OR10G3: variants seen among roughly 807,000 people sequenced by gnomAD.
The protein encoded by OR10G3 is olfactory receptor 10G3.
A neutral mutation model predicts 13.4 loss-of-function variants in OR10G3; 8 were observed. That is an observed-to-expected ratio of 0.60 (90% CI 0.35 to 1.08). OR10G3 has a LOEUF of 1.08. Among genes scored for constraint, OR10G3 ranks in the 50% least tolerant of loss-of-function variants. The probability of loss-of-function intolerance (pLI) is 0.02; values close to 1 mark genes in which losing one functional copy is unlikely to be tolerated. For missense variants in OR10G3, 393 were observed against 386.6 expected, an observed-to-expected ratio of 1.02 and a Z score of -0.14; for synonymous variants, 142 against 156.1, an observed-to-expected ratio of 0.91 and a Z score of 0.67.
At chr14:21,578,489 G>T (rs746909216) in intron 1 of OR10G3, among the ~76,000 whole-genome samples, 1 of 151,956 alleles carries the variant, frequency 6.6e-6, no homozygotes, top group African/African-American at 2.4e-5. Context: ...AAATATATGA[G>T]AAATATTAGG....
rs913251594 is a variant in OR10G3 at position 21,570,668 on chromosome 14, A to G, written c.77T>C (p.Leu26Pro). The G allele has an allele frequency of 6.2e-7, 1 of 1,610,318 alleles. No individual in the cohort carries two copies. The highest frequency in any genetic ancestry group is 1.7e-5 in the Admixed American group (1 of 60,006). The change falls in exon 2 of 2, where the codon CTC becomes CCC. Residue 26 changes from leucine (L) to proline (P), a missense_variant. Transcript: ENST00000641040. ...GIPYPLRLRTLFFVFFFLIYI... is the reference protein window; with the variant it reads ...GIPYPLRLRTPFFVFFFLIYI... The stretch of plus-strand genomic sequence containing the variant: ...GATTAGAAAAAAGAACACAAAAAAG[A>G]GTGTCCTTAGCCTGAGTGGATACGG...
At position 21,569,661 on chromosome 14, in the gene OR10G3, T is replaced by A; in HGVS notation, c.*142A>T. The A allele has an allele frequency of 1.5e-6, 1 of 679,034 alleles. No homozygotes were observed. 42.1% of individuals were successfully genotyped at this position (679,034 alleles called of 1,614,324 possible). On this transcript the variant is annotated 3_prime_UTR_variant, in exon 2 of 2. Transcript: ENST00000641040. Reference sequence around the variant, plus strand: ...TACTAAGGAACTGTTAGAAAGTTAGTATTTTACCTTAAACTGTGTTTGATC... The same window carrying A: ...TACTAAGGAACTGTTAGAAAGTTAGAATTTTACCTTAAACTGTGTTTGATC...
intron 1 of OR10G3, among the ~76,000 whole-genome samples, chr14:21,573,514 A>G (rs1893094119): frequency 6.6e-6 from 1 of 151,736 alleles, no homozygotes; most frequent in African/African-American, 2.4e-5. Flanking sequence ...CCTTGCTAAA[A>G]TAAAAAAATT....
chr14:21,569,569 G>A lies in OR10G3; in HGVS notation c.*234C>T. ...TTCTTTCTTCTGGATTGTTTAATGT[G>A]GTTTAGTTTGTGAGAATTTGGTCTC... On this transcript the variant is annotated 3_prime_UTR_variant, in exon 2 of 2. Coordinates refer to ENST00000641040, the MANE Select transcript of OR10G3 (RefSeq NM_001005465.2). 2.0e-6 allele frequency: 1 copy of A among 493,174 alleles called. No individual in the cohort carries two copies. Among genetic ancestry groups the A allele is most frequent in the East Asian group, 3.6e-5 (1 of 27,834 alleles). 30.5% of individuals were successfully genotyped at this position (493,174 alleles called of 1,614,324 possible).
rs1006650804 is a variant in OR10G3, at chr14:21,570,662, A to C, written c.83T>G (p.Phe28Cys). 1 of 1,611,306 alleles carries C rather than the reference A, an allele frequency of 6.2e-7. No individual in the cohort carries two copies. ...PYPLRLRTLF[F>C]VFFFLIYILT... is the part of the protein sequence containing the mutation. ...GATGTAGATTAGAAAAAAGAACACAAAAAAGAGTGTCCTTAGCCTGAGTGG... is the reference window on the plus strand; with the variant it reads ...GATGTAGATTAGAAAAAAGAACACACAAAAGAGTGTCCTTAGCCTGAGTGG... The change falls in exon 2 of 2, where the codon TTT becomes TGT. Residue 28 changes from phenylalanine to cysteine, a missense_variant. Coordinates refer to ENST00000641040, the MANE Select transcript of OR10G3 (RefSeq NM_001005465.2).
At position 21,575,962 on chromosome 14, in the gene OR10G3, G is replaced by A. The variant is rs573058781; in HGVS notation, c.-18+3824C>T. Among the ~76,000 whole-genome samples, 16 of 152,240 alleles carry A rather than the reference G, an allele frequency of 1.1e-4. No individual in the cohort carries two copies. The East Asian group carries it at 2.7e-3, about 26-fold the overall frequency. On this transcript the variant is annotated intron_variant, in intron 1 of 1. Transcript: ENST00000641040. ...AGCTACAGATGCTGGCCTCCTCCCC[G>A]CGTTCCTTGACTTCAGAAAGTACAG... is the stretch of plus-strand genomic sequence containing the variant.
At chr14:21,578,334 C>T (rs910534750) in intron 1 of OR10G3, among the ~76,000 whole-genome samples, 2 of 152,002 alleles carry the variant, frequency 1.3e-5, no homozygotes, top group African/African-American at 4.8e-5. Context: ...TAGCTTGAAC[C>T]CGGAAGGCAG....
At chr14:21,579,194 A>C (rs1033401947) in intron 1 of OR10G3, among the ~76,000 whole-genome samples, 6 of 152,184 alleles carry the variant, frequency 3.9e-5, no homozygotes, top group African/African-American at 1.4e-4. Context: ...GCCTGGGGGA[A>C]ATAGTGTTAT....
At chr14:21,574,771 G>T (rs1420022347) in intron 1 of OR10G3, 1 of 152,078 alleles carries the variant, frequency 6.6e-6, no homozygotes, top group Non-Finnish European at 1.5e-5. Context: ...AACATAGCAA[G>T]ACCCTATTTC....
chr14:21,572,801 C>T (rs1358168992), intron 1 of OR10G3, among the ~76,000 whole-genome samples: 1 of 151,962 alleles, frequency 6.6e-6, no homozygotes, highest in African/African-American at 2.4e-5. Flanking sequence ...TGTTTTTATG[C>T]CAGTGCCATG....
rs764155466 is a variant in OR10G3 at position 21,570,100 on chromosome 14, G to A, written c.645C>T (p.Ile215=). 10 of 1,614,090 alleles carry A rather than the reference G, an allele frequency of 6.2e-6. No homozygotes were observed. Among genetic ancestry groups the A allele is most frequent in the African/African-American group, 2.7e-5 (2 of 74,940 alleles). The change falls in exon 2 of 2, where the codon ATC becomes ATT. Residue 215 remains isoleucine (I), a synonymous_variant. Coordinates refer to ENST00000641040, the MANE Select transcript of OR10G3 (RefSeq NM_001005465.2). The part of the protein sequence containing the change: ...GVVVASCFSL[I]LLSYIQIIQA... Reference sequence around the variant, plus strand: ...GAATGATCTGTATGTAGGAGAGGAGGATCAGGGAGAAGCAACTGGCAACCA... The same window carrying A: ...GAATGATCTGTATGTAGGAGAGGAGAATCAGGGAGAAGCAACTGGCAACCA...
intron 1 of OR10G3, among the ~76,000 whole-genome samples, chr14:21,574,389 T>C (rs1893105873): frequency 6.6e-6 from 1 of 151,778 alleles, no homozygotes; most frequent in South Asian, 2.1e-4. Context: ...AGAGTAAGAT[T>C]AACAGGGAAA....
At chr14:21,572,608 C>CAAAAAAA (rs397852312) in intron 1 of OR10G3, among the ~76,000 whole-genome samples, 724 of 110,442 alleles carry the variant, frequency 6.6e-3, no homozygotes, top group African/African-American at 0.01. Context: ...AACAAACAAA[C>CAAAAAAA]AAAAAAAAAA....
chr14:21,572,334 C>T (rs1949470232), intron 1 of OR10G3, among the ~76,000 whole-genome samples: 2 of 119,558 alleles, frequency 1.7e-5, no homozygotes, highest in African/African-American at 6.2e-5. Flanking sequence ...TGTGGTGGCT[C>T]ACGCCTGTAA....
In OR10G3 at chr14:21,570,127, C is replaced by T; in HGVS notation, c.618G>A (p.Val206=). 2 of 1,614,228 alleles carry T rather than the reference C, an allele frequency of 1.2e-6. No homozygotes were observed. The highest frequency in any genetic ancestry group is 8.5e-7 in the Non-Finnish European group (1 of 1,180,050). The stretch of plus-strand genomic sequence containing the variant: ...TCAGGGAGAAGCAACTGGCAACCAC[C>T]ACCCCAATGTCTACAAACGTCACCA... ...NELVTFVDIG[V]VVASCFSLIL... Residue 206 remains valine, a synonymous_variant, in exon 2 of 2, where the codon GTG becomes GTA. Transcript: ENST00000641040.
chr14:21,570,266 T>G lies in OR10G3; in HGVS notation c.479A>C (p.Gln160Pro), dbSNP rs1893051209. Reference protein sequence around the residue: ...WMAGSIHGALQAILTFRLPYC... With the variant: ...WMAGSIHGALPAILTFRLPYC... ...GGGCAGGCGGAAGGTTAGGATGGCC[T>G]GGAGAGCCCCATGGATGGATCCTGC... is the stretch of plus-strand genomic sequence containing the variant. Residue 160 changes from glutamine (Q) to proline (P), a missense_variant, in exon 2 of 2, where the codon CAG becomes CCG. Physicochemically the swap from Gln to Pro is moderately conservative, Grantham distance 76. Coordinates refer to ENST00000641040, the MANE Select transcript of OR10G3 (RefSeq NM_001005465.2). The G allele has an allele frequency of 1.2e-6, 2 of 1,614,164 alleles. No homozygotes were observed. The highest frequency in any genetic ancestry group is 1.7e-6 in the Non-Finnish European group (2 of 1,180,028).
chr14:21,578,975 G>A (rs531558270), intron 1 of OR10G3, among the ~76,000 whole-genome samples: 1 of 152,248 alleles, frequency 6.6e-6, no homozygotes, highest in South Asian at 2.1e-4. Flanking sequence ...AAAGAAATCA[G>A]GTTATAGCTT....
intron 1 of OR10G3, among the ~76,000 whole-genome samples, chr14:21,575,837 A>C (rs1031909056): frequency 2.0e-5 from 3 of 152,224 alleles, no homozygotes; most frequent in African/African-American, 7.2e-5. Context: ...AGTCAATAAA[A>C]TGCAGTTTAT....
intron 1 of OR10G3, 23 bp from the exon 2 acceptor site, chr14:21,570,784 A>G (rs4982462): frequency 0.47 from 646,441 of 1,380,184 alleles, 154,707 homozygotes; most frequent in Admixed American, 0.67. Flanking sequence ...CAAAACAAGA[A>G]TTAACATAGA....
Sources: gnomAD v4.1 joint callset for allele counts (sites outside exome capture counted in the v4.1 genomes callset) on GRCh38, gnomAD v4.1.1 for gene constraint, MANE v1.5 for transcripts, NCBI Gene and HGNC (gene_info 2026-07-23, HGNC 2026-07-21) for gene names.